Variants in CSMD1 observed in about 807,000 individuals in gnomAD.
CSMD1 encodes CUB and Sushi multiple domains 1.
Under a neutral mutation model 417.5 loss-of-function variants are expected in CSMD1, and 213 were observed. The observed-to-expected ratio is 0.51, with a 90% CI of 0.46 to 0.57. The LOEUF is 0.57. Among genes scored for constraint, CSMD1 ranks in the 20% least tolerant of loss-of-function variants. The pLI, the probability that CSMD1 is intolerant of heterozygous loss-of-function variation, is 0.00. For synonymous variants in CSMD1, 2,862 were observed against 1,736.8 expected, an observed-to-expected ratio of 1.65 and a Z score of -16.11; for missense variants, 6,923 against 4,529.7, an observed-to-expected ratio of 1.53 and a Z score of -15.17.
chr8:4,078,343 C>A (rs2552139), intron 3 of CSMD1, among the ~76,000 whole-genome samples: 1 of 125,948 alleles, frequency 7.9e-6, no homozygotes, highest in Non-Finnish European at 1.6e-5. Flanking sequence ...GAGAGGGAGT[C>A]TTGCTCTGTG....
At chr8:4,431,121 G>A (rs1056805707) in intron 2 of CSMD1, among the ~76,000 whole-genome samples, 1 of 152,144 alleles carries the variant, frequency 6.6e-6, no homozygotes, top group Middle Eastern at 3.4e-3. Context: ...CCACATGACT[G>A]TAGAAAAAGA....
At chr8:3,211,432 T>G (rs1055793894) in intron 30 of CSMD1, among the ~76,000 whole-genome samples, 1 of 152,202 alleles carries the variant, frequency 6.6e-6, no homozygotes, top group Non-Finnish European at 1.5e-5. Flanking sequence ...CTGTAATGCG[T>G]GGCAGAGATC....
At chr8:3,818,925 C>T (rs1007791077) in intron 5 of CSMD1, among the ~76,000 whole-genome samples, 3 of 152,188 alleles carry the variant, frequency 2.0e-5, no homozygotes, top group Non-Finnish European at 2.9e-5. Context: ...CCCACACTCA[C>T]TCACACTCAC....
At chr8:3,164,732 C>G (rs986653117) in intron 37 of CSMD1, among the ~76,000 whole-genome samples, 4 of 152,056 alleles carry the variant, frequency 2.6e-5, no homozygotes, top group African/African-American at 9.7e-5. Context: ...CCAGGTGACA[C>G]AGAACGAAGA....
chr8:3,323,375 A>C (rs73171161), intron 23 of CSMD1, among the ~76,000 whole-genome samples: 1 of 151,858 alleles, frequency 6.6e-6, no homozygotes, highest in East Asian at 1.9e-4. Flanking sequence ...TTTTACCTTC[A>C]ATAATCTACC....
In CSMD1 at chr8:3,611,448, C is replaced by T. The variant is rs1005888367; in HGVS notation, c.1097+5262G>A. On this transcript the variant is annotated intron_variant, in intron 8 of 69. Transcript: ENST00000635120. ...ACTGAACTCCTCTTAATTTAAAGAA[C>T]GATAGACCAACTATCACTGCTAAGA... Among the ~76,000 whole-genome samples the T allele has an allele frequency of 9.2e-5, 14 of 151,954 alleles. No homozygotes were observed. The East Asian group carries it at 1.5e-3, about 17-fold the overall frequency.
rs147619137 is a variant in CSMD1 at position 4,120,228 on chromosome 8, G to A, written c.416-88129C>T. Among the ~76,000 whole-genome samples the A allele has an allele frequency of 3.4e-4, 51 of 152,196 alleles. 1 individual carries two copies. The highest frequency in any genetic ancestry group is 1.2e-3 in the African/African-American group (48 of 41,534). On this transcript the variant is annotated intron_variant, in intron 3 of 69. Coordinates refer to ENST00000635120, the MANE Select transcript of CSMD1 (RefSeq NM_033225.6). ...TTAAAATAAAAAAAATTAATTGGCT[G>A]ACAGCCATGACTCCTGGGGCATAAA...
intron 3 of CSMD1, among the ~76,000 whole-genome samples, chr8:4,130,816 T>C (rs142907105): frequency 6.6e-6 from 1 of 151,678 alleles, no homozygotes; most frequent in Non-Finnish European, 1.5e-5. Context: ...TATTTGTATA[T>C]ATAATATTGT....
At chr8:3,857,448 C>G (rs970806065) in intron 5 of CSMD1, among the ~76,000 whole-genome samples, 1 of 152,198 alleles carries the variant, frequency 6.6e-6, no homozygotes, top group East Asian at 1.9e-4. Context: ...CCAGATGGGA[C>G]CTTGGAGAAC....
At chr8:3,080,581 C>G (rs1314909518) in intron 49 of CSMD1, among the ~76,000 whole-genome samples, 1 of 152,156 alleles carries the variant, frequency 6.6e-6, no homozygotes, top group Non-Finnish European at 1.5e-5. Flanking sequence ...ATCAAGGGGT[C>G]TTGGGAAGAT....
At chr8:4,407,940 C>G (rs958860650) in intron 3 of CSMD1, among the ~76,000 whole-genome samples, 2 of 152,162 alleles carry the variant, frequency 1.3e-5, no homozygotes, top group Non-Finnish European at 2.9e-5. Context: ...TATTCCTGCA[C>G]AAAATCTCCC....
rs556444649 is a variant in CSMD1 at position 4,205,832 on chromosome 8, A to G, written c.416-173733T>C. ...AAAAATGGAAAATTCTCCCCCATTA[A>G]CATATGAGTACAAATAAACATCAAA... On this transcript the variant is annotated intron_variant, in intron 3 of 69. Transcript: ENST00000635120. Among the ~76,000 whole-genome samples the G allele has an allele frequency of 7.2e-5, 11 of 152,324 alleles. No homozygotes were observed. In the East Asian group the frequency reaches 1.2e-3, roughly 16 times the overall value.
At chr8:4,290,020 C>A (rs996417049) in intron 3 of CSMD1, among the ~76,000 whole-genome samples, 5 of 152,160 alleles carry the variant, frequency 3.3e-5, no homozygotes, top group African/African-American at 4.8e-5. Context: ...GCACTCTGTG[C>A]ACTGCAACTG....
rs770408698 is a variant in CSMD1 at position 3,348,083 on chromosome 8, T to A, written c.3383A>T (p.His1128Leu). 3 of 1,612,628 alleles carry A rather than the reference T, an allele frequency of 1.9e-6. No individual in the cohort carries two copies. The highest frequency in any genetic ancestry group is 2.5e-6 in the Non-Finnish European group (3 of 1,179,016). ...PNFPSNYDNNHECIYKIETEA... is the reference protein window; with the variant it reads ...PNFPSNYDNNLECIYKIETEA... ...TGTTTCTATTTTATAGATACACTCA[T>A]GGTTATTATCATAATTGGATGGAAA... is the stretch of plus-strand genomic sequence containing the variant. The change falls in exon 22 of 70, where the codon CAT (histidine) becomes CTT (leucine). Residue 1128 changes from histidine to leucine, a missense_variant. Coordinates refer to ENST00000635120, the MANE Select transcript of CSMD1 (RefSeq NM_033225.6).
intron 2 of CSMD1, among the ~76,000 whole-genome samples, chr8:4,449,744 G>C (rs1031545300): frequency 1.3e-5 from 2 of 152,114 alleles, no homozygotes; most frequent in African/African-American, 4.8e-5. Flanking sequence ...GGTGTAGAAA[G>C]AGAAACAATG....
chr8:3,384,733 AT>A (rs1810874511), intron 18 of CSMD1, among the ~76,000 whole-genome samples: 1 of 123,626 alleles, frequency 8.1e-6, no homozygotes, highest in African/African-American at 3.1e-5. Context: ...ATTTATATAT[AT>A]TATATAAATA....
chr8:3,495,296 G>T (rs1480103414), intron 10 of CSMD1, among the ~76,000 whole-genome samples: 1 of 152,100 alleles, frequency 6.6e-6, no homozygotes, highest in African/African-American at 2.4e-5. Flanking sequence ...GAGACCTGCT[G>T]GTTTCCTTTC....
At chr8:4,197,805 G>A (rs1371932637) in intron 3 of CSMD1, among the ~76,000 whole-genome samples, 7 of 152,090 alleles carry the variant, frequency 4.6e-5, no homozygotes, top group African/African-American at 1.7e-4. Context: ...CTTGAACCCA[G>A]GAGGCAGAGG....
At chr8:4,269,889 A>G (rs965794926) in intron 3 of CSMD1, among the ~76,000 whole-genome samples, 5 of 152,168 alleles carry the variant, frequency 3.3e-5, no homozygotes, top group East Asian at 1.9e-4. Context: ...TGGAGTTTAT[A>G]TTACAGAATT....
Sources: gnomAD v4.1 joint callset for allele counts (sites outside exome capture counted in the v4.1 genomes callset) on GRCh38, gnomAD v4.1.1 for gene constraint, MANE v1.5 for transcripts, NCBI Gene and HGNC (gene_info 2026-07-23, HGNC 2026-07-21) for gene names.